AOPEP: variants seen among roughly 807,000 people sequenced by gnomAD.
AOPEP encodes aminopeptidase O (putative).
In AOPEP, 77 loss-of-function variants were observed where a neutral mutation model predicts 98.1. That is an observed-to-expected ratio of 0.78 (90% CI 0.65 to 0.95). AOPEP has a LOEUF of 0.95. Among genes scored for constraint, AOPEP ranks in the 40% least tolerant of loss-of-function variants. The pLI, the probability that AOPEP is intolerant of heterozygous loss-of-function variation, is 0.00. For missense variants in AOPEP, 1,024 were observed against 1,024.7 expected (o/e 1.00, Z 0.01); for synonymous variants, 346 against 365.3 (o/e 0.95, Z 0.60).
intron 5 of AOPEP, among the ~76,000 whole-genome samples, chr9:94,856,641 T>TAA (rs35234682): frequency 0.024 from 3,112 of 128,322 alleles, 123 homozygotes; most frequent in African/African-American, 0.089. Flanking sequence ...AACTCCGTCT[T>TAA]AAAAAAAAAA....
intron 5 of AOPEP, among the ~76,000 whole-genome samples, chr9:94,883,423 C>G (rs1254995782): frequency 6.6e-6 from 1 of 152,214 alleles, no homozygotes; most frequent in Non-Finnish European, 1.5e-5. Context: ...AACAGCTGGA[C>G]TGGTTCCAGC....
chr9:94,797,017 A>G (rs1847101207), intron 4 of AOPEP, among the ~76,000 whole-genome samples: 2 of 152,232 alleles, frequency 1.3e-5, no homozygotes, highest in South Asian at 4.1e-4. Context: ...GATTATTTGA[A>G]AGAAGAATCT....
intron 5 of AOPEP, among the ~76,000 whole-genome samples, chr9:94,860,966 C>T (rs969807894): frequency 6.6e-6 from 1 of 152,180 alleles, no homozygotes; most frequent in African/African-American, 2.4e-5. Context: ...GCATCAGTGT[C>T]CTCATCTACA....
intron 5 of AOPEP, among the ~76,000 whole-genome samples, chr9:94,867,997 C>T (rs1017858166): frequency 6.6e-6 from 1 of 152,162 alleles, no homozygotes; most frequent in East Asian, 1.9e-4. Flanking sequence ...ACCCATGCTC[C>T]CCTGGCTGTT....
chr9:94,795,670 C>T (rs1313797618), intron 4 of AOPEP, among the ~76,000 whole-genome samples: 1 of 152,206 alleles, frequency 6.6e-6, no homozygotes, highest in East Asian at 1.9e-4. Context: ...GCAGCAGCCA[C>T]TGACTCTGTG....
chr9:95,050,864 T>C (rs1215883383), intron 13 of AOPEP, among the ~76,000 whole-genome samples: 1 of 152,246 alleles, frequency 6.6e-6, no homozygotes, highest in Non-Finnish European at 1.5e-5. Flanking sequence ...TAATGGAATG[T>C]TAGTGTTTCC....
the AOPEP span, among the ~76,000 whole-genome samples, chr9:95,102,317 A>G: frequency 1.3e-5 from 2 of 152,228 alleles, no homozygotes; most frequent in African/African-American, 4.8e-5. Context: ...TGGGCTAGCA[A>G]CCGGACCTAC....
chr9:95,092,281 G>GA, the AOPEP span, among the ~76,000 whole-genome samples: 1 of 152,140 alleles, frequency 6.6e-6, no homozygotes, highest in Non-Finnish European at 1.5e-5. Flanking sequence ...GGCCCAGGGG[G>GA]AGCTGCTGTA....
intron 5 of AOPEP, among the ~76,000 whole-genome samples, chr9:94,848,325 G>T (rs2043104156): frequency 6.6e-6 from 1 of 151,942 alleles, no homozygotes; most frequent in African/African-American, 2.4e-5. Context: ...GGTGGCAGGT[G>T]CCTAGAGTCC....
At chr9:94,762,244 G>A (rs891497946) in intron 2 of AOPEP, among the ~76,000 whole-genome samples, 5 of 152,072 alleles carry the variant, frequency 3.3e-5, no homozygotes, top group African/African-American at 9.7e-5. Context: ...TCAGGAGATC[G>A]AGACCATCCT....
At chr9:95,041,794 A>G (rs2065339993) in intron 13 of AOPEP, among the ~76,000 whole-genome samples, 1 of 152,060 alleles carries the variant, frequency 6.6e-6, no homozygotes, top group Non-Finnish European at 1.5e-5. Context: ...CCGTGGCGCT[A>G]TAAAAGCAGC....
rs1040051533 is a variant in AOPEP at position 94,738,562 on chromosome 9, G to GA, written c.-136+11819dup. On this transcript the variant is annotated intron_variant, in intron 1 of 16. Coordinates refer to ENST00000375315, the MANE Select transcript of AOPEP (RefSeq NM_001193329.3). The stretch of plus-strand genomic sequence containing the variant: ...ACAGGAGATACAGAAAAGGACACGA[G>GA]AAAAAAAATTATTATTATTATTTTT... Among the ~76,000 whole-genome samples the GA allele has an allele frequency of 6.3e-3, 964 of 151,966 alleles. 6 individuals carry two copies. Among genetic ancestry groups the GA allele is most frequent in the African/African-American group, 0.022 (929 of 41,450 alleles).
chr9:95,020,056 A>G (rs2063327150), intron 13 of AOPEP: 1 of 152,226 alleles, frequency 6.6e-6, no homozygotes, highest in Admixed American at 6.5e-5. Flanking sequence ...AGACCTCACA[A>G]GCTTCTCTAA....
chr9:94,748,744 T>C lies in AOPEP; in HGVS notation c.-135-10905T>C, dbSNP rs753396859. On this transcript the variant is annotated intron_variant, in intron 1 of 16. Coordinates refer to ENST00000375315, the MANE Select transcript of AOPEP (RefSeq NM_001193329.3). ...TAGCCTTCACACTTTTGAAGAGTAC[T>C]GGTTAGGTATATTTTAGAATGTCCC... Among the ~76,000 whole-genome samples the C allele has an allele frequency of 1.2e-3, 180 of 152,340 alleles. 3 individuals carry two copies. Among genetic ancestry groups the C allele is most frequent in the Middle Eastern group, 6.8e-3 (2 of 294 alleles).
chr9:94,821,620 G>A (rs1853154643), intron 5 of AOPEP, among the ~76,000 whole-genome samples: 1 of 152,150 alleles, frequency 6.6e-6, no homozygotes, highest in Non-Finnish European at 1.5e-5. Context: ...GAGCTGAGTT[G>A]CTGAAACCTT....
chr9:94,737,247 A>G lies in AOPEP; in HGVS notation c.-136+10496A>G, dbSNP rs143331635. On this transcript the variant is annotated intron_variant, in intron 1 of 16. Coordinates refer to ENST00000375315, the MANE Select transcript of AOPEP (RefSeq NM_001193329.3). ...AGCCTCCTGAGTAGCCGAGAGTACA[A>G]GCACATGCCACCATGCCTGGTTAAT... Among the ~76,000 whole-genome samples, 13 of 152,190 alleles carry G rather than the reference A, an allele frequency of 8.5e-5. No homozygotes were observed. In the East Asian group the frequency reaches 2.5e-3, roughly 29 times the overall value.
chr9:95,036,861 C>A (rs946257624), intron 13 of AOPEP, among the ~76,000 whole-genome samples: 1 of 152,192 alleles, frequency 6.6e-6, no homozygotes, highest in Admixed American at 6.5e-5. Context: ...TGTCAGTCTT[C>A]CAGCCTGGCC....
chr9:94,919,068 G>C (rs141024017), intron 5 of AOPEP, among the ~76,000 whole-genome samples: 2,366 of 152,034 alleles, frequency 0.016, 63 homozygotes, highest in African/African-American at 0.054. Context: ...GCACCTGCCA[G>C]CACACCTGGC....
chr9:95,059,149 A>G (rs57477477), intron 13 of AOPEP, among the ~76,000 whole-genome samples: 2,375 of 152,322 alleles, frequency 0.016, 65 homozygotes, highest in African/African-American at 0.054. Flanking sequence ...ATATCTTTAA[A>G]ACATGCTGCA....
Sources: allele counts gnomAD v4.1 joint callset (sites outside exome capture counted in the v4.1 genomes callset), GRCh38; gene constraint gnomAD v4.1.1; transcripts MANE v1.5; gene names NCBI Gene and HGNC (gene_info 2026-07-23, HGNC 2026-07-21).